The following TRPM3 variants were observed in gnomAD, a reference collection of about 807,000 sequenced individuals.
TRPM3 encodes the protein transient receptor potential cation channel subfamily M member 3.
TRPM3 carries 77 observed loss-of-function variants against 181.2 expected under a neutral mutation model. The ratio of observed to expected loss-of-function variants is 0.42; its 90% CI spans 0.35 to 0.51. TRPM3 has a LOEUF of 0.51. TRPM3 is among the 20% of genes least tolerant of loss of function. TRPM3 has a pLI of 0.01. For missense variants in TRPM3, 1,759 were observed against 2,196.7 expected (o/e 0.80, Z 3.98); for synonymous variants, 745 against 796.4 (o/e 0.94, Z 1.09).
At chr9:70,858,323 G>T (rs1304512145) in intron 3 of TRPM3, among the ~76,000 whole-genome samples, 5 of 152,238 alleles carry the variant, frequency 3.3e-5, no homozygotes, top group Admixed American at 1.3e-4. Flanking sequence ...GCAAAGATTG[G>T]CACTCTTTAA....
chr9:70,869,319 C>T (rs1388448194), intron 1 of TRPM3, among the ~76,000 whole-genome samples: 6 of 152,022 alleles, frequency 3.9e-5, no homozygotes, highest in South Asian at 4.2e-4. Context: ...ATTTAACTGG[C>T]ACAGGTCCTA....
rs113168658 is a variant in TRPM3, at chr9:70,691,005, T to C, written c.1273-9427A>G. On this transcript the variant is annotated intron_variant, in intron 8 of 25. Transcript: ENST00000677713. ...AGAGACTGACTTCTAGAAATGAACA[T>C]GATGATTTATATGGAGGAGGGAAGG... Among the ~76,000 whole-genome samples, 5 of 152,266 alleles carry C rather than the reference T, an allele frequency of 3.3e-5. 1 individual carries two copies. Among genetic ancestry groups the C allele is most frequent in the African/African-American group, 9.6e-5 (4 of 41,552 alleles).
chr9:71,162,509 C>T (rs2134716419), intron 1 of TRPM3, among the ~76,000 whole-genome samples: 1 of 152,192 alleles, frequency 6.6e-6, no homozygotes, highest in South Asian at 2.1e-4. Context: ...ACATATATAG[C>T]TTCATGCAAT....
intron 1 of TRPM3, among the ~76,000 whole-genome samples, chr9:71,098,523 G>A (rs1016516915): frequency 1.3e-5 from 2 of 152,098 alleles, no homozygotes; most frequent in Non-Finnish European, 2.9e-5. Context: ...ATATGCAGTG[G>A]TGAATGCTCC....
Position 71,282,345 on chromosome 9 carries a change from AAAAG to A in TRPM3, c.183+164304_183+164307del, listed in dbSNP as rs1211564530. On this transcript the variant is annotated intron_variant, in intron 1 of 24. Coordinates refer to the TRPM3 transcript ENST00000357533. ...AAAGGAAAGAAAGAGAGAAAGAAAG[AAAAG>A]AAAGAAAGAAAAAGAAAGAATGAAA... Among the ~76,000 whole-genome samples, 24 of 82,914 alleles carry A rather than the reference AAAAG, an allele frequency of 2.9e-4. 2 individuals carry two copies. Among genetic ancestry groups the A allele is most frequent in the Non-Finnish European group, 4.9e-4 (21 of 43,184 alleles). 54.4% of individuals were successfully genotyped at this position (82,914 alleles called of 152,430 possible).
intron 1 of TRPM3, among the ~76,000 whole-genome samples, chr9:71,146,606 T>C (rs933476858): frequency 2.0e-5 from 3 of 152,138 alleles, no homozygotes; most frequent in Non-Finnish European, 2.9e-5. Flanking sequence ...TGTCCTAACA[T>C]ACATCCTTCT....
chr9:71,116,078 T>C (rs17521958), intron 1 of TRPM3, among the ~76,000 whole-genome samples: 13,938 of 152,250 alleles, frequency 0.092, 729 homozygotes, highest in African/African-American at 0.15. Flanking sequence ...AAATTCTGCC[T>C]AACAATACAT....
chr9:71,120,670 T>C (rs1186700427), intron 1 of TRPM3, among the ~76,000 whole-genome samples: 2 of 152,220 alleles, frequency 1.3e-5, no homozygotes, highest in Non-Finnish European at 2.9e-5. Flanking sequence ...GCTCATTCTT[T>C]GTTCATCTTC....
At chr9:71,199,090 T>G (rs1361904699) in intron 1 of TRPM3, among the ~76,000 whole-genome samples, 15 of 150,368 alleles carry the variant, frequency 1.0e-4, no homozygotes, top group East Asian at 1.9e-4. Context: ...GAAGGGTTGT[T>G]GAATTTTGTC....
intron 1 of TRPM3, among the ~76,000 whole-genome samples, chr9:71,039,297 A>G (rs1337794342): frequency 6.6e-6 from 1 of 152,162 alleles, no homozygotes; most frequent in Non-Finnish European, 1.5e-5. Flanking sequence ...ATTCAAAACT[A>G]CTATACAGAA....
At chr9:71,357,011 C>A (rs761645463) in intron 1 of TRPM3, among the ~76,000 whole-genome samples, 1 of 152,062 alleles carries the variant, frequency 6.6e-6, no homozygotes, top group East Asian at 1.9e-4. Flanking sequence ...CCTGTCAAGT[C>A]ACGTGGTTGA....
At chr9:71,357,028 C>T (rs1319470471) in intron 1 of TRPM3, among the ~76,000 whole-genome samples, 1 of 152,082 alleles carries the variant, frequency 6.6e-6, no homozygotes, top group African/African-American at 2.4e-5. Flanking sequence ...TTGATGGCAG[C>T]CTTGAAAAAC....
At chr9:70,741,928 T>C (rs1255872214) in intron 8 of TRPM3, among the ~76,000 whole-genome samples, 1 of 152,082 alleles carries the variant, frequency 6.6e-6, no homozygotes, top group Non-Finnish European at 1.5e-5. Flanking sequence ...CTAAAGAACA[T>C]ATTCATGTAA....
At chr9:70,636,196 A>T (rs2057155861) in intron 11 of TRPM3, among the ~76,000 whole-genome samples, 2 of 152,178 alleles carry the variant, frequency 1.3e-5, no homozygotes, top group South Asian at 4.1e-4. Context: ...TGAAATTTTA[A>T]TTATGGGCAC....
intron 1 of TRPM3, among the ~76,000 whole-genome samples, chr9:71,223,890 T>C (rs977259728): frequency 2.0e-5 from 3 of 152,164 alleles, no homozygotes; most frequent in Non-Finnish European, 4.4e-5. Flanking sequence ...AGCAGGTAGA[T>C]TTCTAAGGTT....
intron 1 of TRPM3, among the ~76,000 whole-genome samples, chr9:71,307,828 G>A (rs546303949): frequency 1.4e-4 from 22 of 152,054 alleles, no homozygotes; most frequent in Non-Finnish European, 2.1e-4. Flanking sequence ...CATGCAATTT[G>A]CTACTATTAT....
At chr9:70,825,338 C>T (rs2093483311) in intron 6 of TRPM3, 1 of 152,172 alleles carries the variant, frequency 6.6e-6, no homozygotes, top group Non-Finnish European at 1.5e-5. Flanking sequence ...TTATAACTCT[C>T]CTCTTACCAT....
At chr9:70,837,363 T>C (rs1242884833) in intron 5 of TRPM3, among the ~76,000 whole-genome samples, 1 of 152,192 alleles carries the variant, frequency 6.6e-6, no homozygotes, top group African/African-American at 2.4e-5. Flanking sequence ...TTACAGGCTA[T>C]AAAACTTGGA....
At chr9:70,834,437 C>T (rs11142611) in intron 5 of TRPM3, among the ~76,000 whole-genome samples, 80,351 of 151,986 alleles carry the variant, frequency 0.53, 21,879 homozygotes, top group Non-Finnish European at 0.56. Flanking sequence ...CGGTTACATC[C>T]TTTAGAAATC....
Sources: gnomAD v4.1 joint callset for allele counts (sites outside exome capture counted in the v4.1 genomes callset) on GRCh38, gnomAD v4.1.1 for gene constraint, MANE v1.5 for transcripts, NCBI Gene and HGNC (gene_info 2026-07-23, HGNC 2026-07-21) for gene names.